Variants in PCBP3 observed in about 807,000 individuals in gnomAD.
The protein encoded by PCBP3 is poly(rC)-binding protein 3.
PCBP3 carries 25 observed loss-of-function variants against 52.7 expected under a neutral mutation model. The observed-to-expected ratio is 0.47, with a 90% CI of 0.35 to 0.66. PCBP3 has a LOEUF of 0.66. PCBP3 is among the 30% of genes least tolerant of loss of function. The probability of loss-of-function intolerance (pLI) is 0.01; values close to 1 mark genes in which losing one functional copy is unlikely to be tolerated. For missense variants in PCBP3, 391 were observed against 490.3 expected (o/e 0.80, Z 1.91); for synonymous variants, 162 against 183.0 (o/e 0.89, Z 0.93).
rs564977033 is a variant in PCBP3, at chr21:45,724,845, G to T, written c.-199-10547G>T. On this transcript the variant is annotated intron_variant, in intron 2 of 17. Coordinates refer to ENST00000681687, the MANE Select transcript of PCBP3 (RefSeq NM_001384156.1). This position sits in a 1 kb window ranked among gnomAD's most constrained non-coding sequence, Gnocchi z 5.3. ...AAAGTGGGTGGCAGGAGGACAGGAC[G>T]GCCTCTCTGTGAGGGAGGCACTGAC... 6.6e-6 allele frequency among the ~76,000 whole-genome samples: 1 copy of T among 152,250 alleles called. No homozygotes were observed. Among genetic ancestry groups the T allele is most frequent in the African/African-American group, 2.4e-5 (1 of 41,546 alleles).
intron 2 of PCBP3, 179 bp downstream of exon 2, chr21:45,669,131 T>G (rs1354633038): frequency 7.9e-5 from 12 of 152,214 alleles, no homozygotes; most frequent in Admixed American, 7.9e-4. Context: ...ATCTCTTTTC[T>G]TTCTTTCTGG....
rs925030315 is a variant in PCBP3, at chr21:45,817,704, C to G, written c.-125-32257C>G. 2.0e-5 allele frequency among the ~76,000 whole-genome samples: 3 copies of G among 152,160 alleles called. No homozygotes were observed. Among genetic ancestry groups the G allele is most frequent in the African/African-American group, 4.8e-5 (2 of 41,430 alleles). On this transcript the variant is annotated intron_variant, in intron 4 of 17. Transcript: ENST00000681687. The surrounding 1 kb of genome is among the most constrained non-coding windows in gnomAD (Gnocchi z 4.3). ...GTCCTGCACCCTGCTGTGCAATGCTCGAACACACTTGCTTCTTATTTCTGT... is the reference window on the plus strand; with the variant it reads ...GTCCTGCACCCTGCTGTGCAATGCTGGAACACACTTGCTTCTTATTTCTGT...
chr21:45,937,758 G>C (rs1457410239), intron 16 of PCBP3, among the ~76,000 whole-genome samples: 1 of 152,214 alleles, frequency 6.6e-6, no homozygotes, highest in African/African-American at 2.4e-5. Flanking sequence ...AGCCTAGAAG[G>C]CATCCTCCCC....
At chr21:45,848,402 G>A (rs1216648254) in intron 4 of PCBP3, 1 of 152,258 alleles carries the variant, frequency 6.6e-6, no homozygotes, top group Non-Finnish European at 1.5e-5. Context: ...GTTACAAAGG[G>A]TAAATGCCGT....
intron 2 of PCBP3, among the ~76,000 whole-genome samples, chr21:45,710,636 C>T (rs1286502716): frequency 6.6e-6 from 1 of 152,160 alleles, no homozygotes; most frequent in Non-Finnish European, 1.5e-5. Context: ...GACTTGGAAC[C>T]AACCCAAATA....
At position 45,664,851 on chromosome 21, in the gene PCBP3, AGT is replaced by A. The variant is rs2080685449; in HGVS notation, c.-278-4021_-278-4020del. On this transcript the variant is annotated intron_variant, in intron 1 of 17. Coordinates refer to ENST00000681687, the MANE Select transcript of PCBP3 (RefSeq NM_001384156.1). ...TCTCATTGTTCAATTCCCACCTATG[AGT>A]GAGAATATGCGGTGTTTGGTTTTTT... Among the ~76,000 whole-genome samples the A allele has an allele frequency of 2.7e-5, 4 of 147,082 alleles. 1 individual carries two copies. The highest frequency in any genetic ancestry group is 4.5e-5 in the Non-Finnish European group (3 of 67,342).
chr21:45,774,966 G>A (rs1440879504), intron 4 of PCBP3, among the ~76,000 whole-genome samples: 2 of 152,176 alleles, frequency 1.3e-5, no homozygotes, highest in Non-Finnish European at 2.9e-5. Context: ...ATATTGGCCT[G>A]TAGTTTTATT....
intron 1 of PCBP3, among the ~76,000 whole-genome samples, chr21:45,647,468 C>A (rs143263297): frequency 1.8e-4 from 28 of 152,224 alleles, no homozygotes; most frequent in African/African-American, 6.3e-4. Context: ...GAAAACCAGG[C>A]AAACGTGTTG....
intron 1 of PCBP3, among the ~76,000 whole-genome samples, chr21:45,646,265 AAC>A (rs1433914232): frequency 2.0e-5 from 3 of 151,984 alleles, no homozygotes; most frequent in African/African-American, 4.8e-5. Flanking sequence ...GTGTCTTGAA[AAC>A]ACGCCATTTT....
intron 1 of PCBP3, among the ~76,000 whole-genome samples, chr21:45,661,306 C>T (rs933805063): frequency 2.6e-5 from 4 of 152,092 alleles, no homozygotes; most frequent in Non-Finnish European, 5.9e-5. Context: ...CACCCCCTCT[C>T]ACCCTCCCAC....
In PCBP3 at chr21:45,724,710, G is replaced by A. The variant is rs576905860; in HGVS notation, c.-199-10682G>A. Among the ~76,000 whole-genome samples, 120 of 151,596 alleles carry A rather than the reference G, an allele frequency of 7.9e-4. No homozygotes were observed. The highest frequency in any genetic ancestry group is 3.4e-3 in the Middle Eastern group (1 of 294). ...CTCGGTGGGATCTGAAAGAGAACCCGCCCCCCTCAGCTGGAGTGGCACTCT... is the reference window on the plus strand; with the variant it reads ...CTCGGTGGGATCTGAAAGAGAACCCACCCCCCTCAGCTGGAGTGGCACTCT... On this transcript the variant is annotated intron_variant, in intron 2 of 17. Transcript: ENST00000681687. This position sits in a 1 kb window ranked among gnomAD's most constrained non-coding sequence, Gnocchi z 5.3.
intron 2 of PCBP3, among the ~76,000 whole-genome samples, chr21:45,689,522 C>T (rs1049267247): frequency 6.6e-6 from 1 of 151,954 alleles, no homozygotes; most frequent in African/African-American, 2.4e-5. Flanking sequence ...AGATAAAGAA[C>T]AAGGCAAGAA....
chr21:45,767,060 A>G (rs895216120), intron 4 of PCBP3, among the ~76,000 whole-genome samples: 4 of 152,118 alleles, frequency 2.6e-5, no homozygotes, highest in African/African-American at 9.7e-5. Context: ...TAATTGAGGC[A>G]TAATTCACAT....
At chr21:45,744,390 C>G (rs2086675760) in intron 3 of PCBP3, 1 of 151,950 alleles carries the variant, frequency 6.6e-6, no homozygotes, top group Non-Finnish European at 1.5e-5. Flanking sequence ...GCACTGGGGT[C>G]TTGCTTAGAT....
intron 2 of PCBP3, among the ~76,000 whole-genome samples, chr21:45,682,335 A>C (rs1040803246): frequency 1.3e-5 from 2 of 152,124 alleles, no homozygotes; most frequent in African/African-American, 4.8e-5. Context: ...TGATTGTTTT[A>C]TATATAATGT....
chr21:45,649,436 G>T (rs2079536441), intron 1 of PCBP3, among the ~76,000 whole-genome samples: 1 of 152,116 alleles, frequency 6.6e-6, no homozygotes, highest in South Asian at 2.1e-4. Context: ...AGTCTACTTA[G>T]AACTTATTTT....
At chr21:45,777,992 C>T (rs545852666) in intron 4 of PCBP3, among the ~76,000 whole-genome samples, 43 of 135,966 alleles carry the variant, frequency 3.2e-4, no homozygotes, top group Admixed American at 2.4e-3. Context: ...TTTGGTTTCT[C>T]ATGTTTCTTG....
intron 2 of PCBP3, among the ~76,000 whole-genome samples, chr21:45,719,940 G>A (rs2084503672): frequency 6.6e-6 from 1 of 152,106 alleles, no homozygotes; most frequent in Admixed American, 6.5e-5. Flanking sequence ...TGAGGGACAA[G>A]TAGAGAAGGC....
rs950756021 is a variant in PCBP3, at chr21:45,830,862, A to T, written c.-125-19099A>T. ...CTTCCCAGAAAGGCGGGGAATCGAG[A>T]GTGACGTAGTCACCCTCCACCTTTG... On this transcript the variant is annotated intron_variant, in intron 4 of 17. Coordinates refer to ENST00000681687, the MANE Select transcript of PCBP3 (RefSeq NM_001384156.1). The surrounding 1 kb of genome is among the most constrained non-coding windows in gnomAD (Gnocchi z 4.4). The T allele has an allele frequency of 6.6e-6, 1 of 152,266 alleles. No homozygotes were observed. Among genetic ancestry groups the T allele is most frequent in the Non-Finnish European group, 1.5e-5 (1 of 68,058 alleles). The allele number at this position is 152,266 out of a possible 1,614,324, so 9.4% of individuals were successfully genotyped here.
Sources: allele counts gnomAD v4.1 joint callset (sites outside exome capture counted in the v4.1 genomes callset), GRCh38; gene constraint gnomAD v4.1.1; non-coding constraint Gnocchi (gnomAD v3.1); transcripts MANE v1.5; gene names NCBI Gene and HGNC (gene_info 2026-07-23, HGNC 2026-07-21).